The following SGMS1 variants were observed in gnomAD, a reference collection of about 807,000 sequenced individuals.
SGMS1 encodes the protein sphingomyelin synthase 1.
Under a neutral mutation model 46.2 loss-of-function variants are expected in SGMS1, and 13 were observed. That is an observed-to-expected ratio of 0.28 (90% CI 0.18 to 0.45). SGMS1 has a LOEUF of 0.45. Among genes scored for constraint, SGMS1 ranks in the 20% least tolerant of loss-of-function variants. The pLI is 1.00. For missense variants in SGMS1, 324 were observed against 519.9 expected (o/e 0.62, Z 3.66); for synonymous variants, 203 against 187.8 (o/e 1.08, Z -0.66).
intron 2 of SGMS1, among the ~76,000 whole-genome samples, chr10:50,540,998 GA>G (rs1192007943): frequency 6.6e-6 from 1 of 152,132 alleles, no homozygotes; most frequent in East Asian, 1.9e-4. Context: ...GTTTGGGAAA[GA>G]ATACAGGGGA....
At chr10:50,534,145 T>C (rs1263570020) in intron 2 of SGMS1, among the ~76,000 whole-genome samples, 2 of 152,112 alleles carry the variant, frequency 1.3e-5, no homozygotes, top group Non-Finnish European at 2.9e-5. Context: ...CATTTAAGTA[T>C]AGCAAAAGGT....
chr10:50,587,410 G>A (rs900328017), intron 2 of SGMS1, among the ~76,000 whole-genome samples: 11 of 152,316 alleles, frequency 7.2e-5, no homozygotes, highest in African/African-American at 2.4e-4. Context: ...CAAGGCGGGT[G>A]GATCACGAGG....
chr10:50,624,097 A>AC (rs1211230019), upstream of SGMS1: 2 of 984,944 alleles, frequency 2.0e-6, no homozygotes, highest in Non-Finnish European at 2.4e-6. Context: ...ACCGAGCGGG[A>AC]CCCCGAACCA....
chr10:50,485,209 A>C (rs1240146420), intron 3 of SGMS1, among the ~76,000 whole-genome samples: 1 of 152,232 alleles, frequency 6.6e-6, no homozygotes, highest in African/African-American at 2.4e-5. Flanking sequence ...CTCAGGATAC[A>C]AAATCAATGT....
At chr10:50,421,690 T>C (rs1368927380) in intron 6 of SGMS1, among the ~76,000 whole-genome samples, 1 of 152,172 alleles carries the variant, frequency 6.6e-6, no homozygotes, top group Non-Finnish European at 1.5e-5. Context: ...TGGTGGCCCA[T>C]GGGTCTCTTT....
At chr10:50,525,745 T>C (rs1837895326) in intron 2 of SGMS1, among the ~76,000 whole-genome samples, 5 of 152,224 alleles carry the variant, frequency 3.3e-5, no homozygotes, top group Admixed American at 3.3e-4. Flanking sequence ...TACTCTGCTA[T>C]GAGCAATGGA....
intron 6 of SGMS1, among the ~76,000 whole-genome samples, chr10:50,349,829 A>C (rs2133376875): frequency 6.6e-6 from 1 of 152,342 alleles, no homozygotes; most frequent in African/African-American, 2.4e-5. Context: ...AAGTCCATTT[A>C]AACCTCTTTT....
At chr10:50,440,874 T>C (rs1849537436) in intron 5 of SGMS1, among the ~76,000 whole-genome samples, 1 of 152,242 alleles carries the variant, frequency 6.6e-6, no homozygotes, top group African/African-American at 2.4e-5. Context: ...CCTCCCAAAG[T>C]GTTGGGATTA....
At chr10:50,502,322 A>AACC (rs1837668999) in intron 3 of SGMS1, among the ~76,000 whole-genome samples, 1 of 151,468 alleles carries the variant, frequency 6.6e-6, no homozygotes, top group Admixed American at 6.6e-5. Context: ...AAAAAAAAAA[A>AACC]ACCAGCACAG....
At chr10:50,432,548 C>T (rs976428783) in intron 6 of SGMS1, among the ~76,000 whole-genome samples, 8 of 150,136 alleles carry the variant, frequency 5.3e-5, no homozygotes, top group African/African-American at 2.0e-4. Context: ...TTAACATCTA[C>T]CTGCAGATAC....
chr10:50,549,406 T>C (rs1227786378), intron 2 of SGMS1, among the ~76,000 whole-genome samples: 1 of 152,114 alleles, frequency 6.6e-6, no homozygotes, highest in Non-Finnish European at 1.5e-5. Flanking sequence ...ACACATGGCA[T>C]TGGAAGCCAT....
chr10:50,416,561 G>C (rs1053081348), intron 6 of SGMS1, among the ~76,000 whole-genome samples: 1 of 152,082 alleles, frequency 6.6e-6, no homozygotes, highest in African/African-American at 2.4e-5. Flanking sequence ...ACCACCTGAG[G>C]GGGCTTTTTC....
intron 6 of SGMS1, among the ~76,000 whole-genome samples, chr10:50,425,608 G>A (rs1470395517): frequency 1.3e-5 from 2 of 152,160 alleles, no homozygotes; most frequent in Non-Finnish European, 2.9e-5. Context: ...AGGGGAGGGA[G>A]GAAGGGAGGC....
chr10:50,624,008 C>A (rs1391019300), upstream of SGMS1: 1 of 985,448 alleles, frequency 1.0e-6, no homozygotes, highest in East Asian at 1.1e-4. Flanking sequence ...CCGCGCGACG[C>A]GACTCCGCTC....
At chr10:50,371,714 G>A (rs1421808775) in intron 6 of SGMS1, among the ~76,000 whole-genome samples, 3 of 152,050 alleles carry the variant, frequency 2.0e-5, no homozygotes, top group Non-Finnish European at 4.4e-5. Context: ...AGCCTTCTCT[G>A]AGCATCCTCT....
intron 2 of SGMS1, among the ~76,000 whole-genome samples, chr10:50,552,275 G>A (rs1838155415): frequency 6.6e-6 from 1 of 152,196 alleles, no homozygotes; most frequent in Non-Finnish European, 1.5e-5. Flanking sequence ...GTAACAAAAA[G>A]TCAGTTAAAA....
At chr10:50,364,477 GA>G (rs2133424226) in intron 6 of SGMS1, among the ~76,000 whole-genome samples, 1 of 152,256 alleles carries the variant, frequency 6.6e-6, no homozygotes, top group Non-Finnish European at 1.5e-5. Context: ...ACCCCAACCA[GA>G]AGGGCTAGTC....
Position 50,308,039 on chromosome 10 carries a change from C to T in SGMS1, c.1005G>A (p.Val335=). 2.5e-6 allele frequency: 4 copies of T among 1,614,016 alleles called. No individual in the cohort carries two copies. The highest frequency in any genetic ancestry group is 3.4e-6 in the Non-Finnish European group (4 of 1,179,942). The change falls in exon 10 of 11, where the codon GTG becomes GTA. Residue 335 remains valine (V), a synonymous_variant. Transcript: ENST00000361781. ...AGAGTCTCGTGGTGATGTAATATGCCACCACCACGTCCACAGTGTAGTGGT... is the reference window on the plus strand; with the variant it reads ...AGAGTCTCGTGGTGATGTAATATGCTACCACCACGTCCACAGTGTAGTGGT... ...AHDHYTVDVV[V]AYYITTRLFW...
chr10:50,430,326 T>G (rs1013716764), intron 6 of SGMS1, among the ~76,000 whole-genome samples: 13 of 152,154 alleles, frequency 8.5e-5, no homozygotes, highest in Admixed American at 6.5e-4. Context: ...TCTACAATTA[T>G]GTAGATGTAT....
Sources: gnomAD v4.1 joint callset for allele counts (sites outside exome capture counted in the v4.1 genomes callset) on GRCh38, gnomAD v4.1.1 for gene constraint, MANE v1.5 for transcripts, NCBI Gene and HGNC (gene_info 2026-07-23, HGNC 2026-07-21) for gene names.